Variants in STX8 observed in about 807,000 individuals in gnomAD.
STX8 encodes syntaxin-8.
STX8 carries 23 observed loss-of-function variants against 37.5 expected under a neutral mutation model. The ratio of observed to expected loss-of-function variants is 0.61; its 90% CI spans 0.44 to 0.87. The LOEUF (loss-of-function observed/expected upper bound fraction) is 0.87, where lower values mean the gene tolerates loss of function less well. Among genes scored for constraint, STX8 ranks in the 40% least tolerant of loss-of-function variants. STX8 has a pLI of 0.00. For synonymous variants in STX8, 115 were observed against 99.1 expected, an observed-to-expected ratio of 1.16 and a Z score of -0.95; for missense variants, 313 against 284.7, an observed-to-expected ratio of 1.10 and a Z score of -0.71.
At chr17:9,368,426 C>A (rs1426929316) in intron 7 of STX8, among the ~76,000 whole-genome samples, 2 of 152,092 alleles carry the variant, frequency 1.3e-5, no homozygotes, top group Non-Finnish European at 2.9e-5. Context: ...ATGGCATGAA[C>A]CCAGGAAGCA....
intron 7 of STX8, among the ~76,000 whole-genome samples, chr17:9,324,080 G>A (rs970256160): frequency 2.0e-5 from 3 of 149,184 alleles, no homozygotes; most frequent in Admixed American, 1.3e-4. Context: ...AAGGTCTCAG[G>A]GCATCCCTCT....
intron 6 of STX8, among the ~76,000 whole-genome samples, chr17:9,451,780 T>C (rs1349266393): frequency 6.9e-6 from 1 of 143,922 alleles, no homozygotes; most frequent in African/African-American, 2.5e-5. Flanking sequence ...CACAAAAATA[T>C]ACATATATAC....
rs150771748 is a variant in STX8 at position 9,348,744 on chromosome 17, A to T, written c.643+29808T>A. 2.7e-3 allele frequency among the ~76,000 whole-genome samples: 406 copies of T among 152,310 alleles called. 5 individuals carry two copies. The highest frequency in any genetic ancestry group is 9.4e-3 in the African/African-American group (392 of 41,566). The stretch of plus-strand genomic sequence containing the variant: ...GTGATAACTTTCAGGATGTAAATCT[A>T]AACTGTAAGGACTCAAGTTCACGAA... On this transcript the variant is annotated intron_variant, in intron 7 of 7. Coordinates refer to ENST00000306357, the MANE Select transcript of STX8 (RefSeq NM_004853.3).
chr17:9,282,800 T>C (rs1294828156), intron 7 of STX8, among the ~76,000 whole-genome samples: 1 of 152,184 alleles, frequency 6.6e-6, no homozygotes, highest in African/African-American at 2.4e-5. Flanking sequence ...GGTGGCCGCA[T>C]GCATAACCAG....
chr17:9,303,930 G>A (rs12944053), intron 7 of STX8, among the ~76,000 whole-genome samples: 35,127 of 151,638 alleles, frequency 0.23, 5,374 homozygotes, highest in African/African-American at 0.44. Flanking sequence ...AAAAGAACAG[G>A]TTGATAATTA....
intron 6 of STX8, among the ~76,000 whole-genome samples, chr17:9,488,255 G>A (rs1200643097): frequency 2.0e-5 from 3 of 151,904 alleles, no homozygotes; most frequent in Non-Finnish European, 4.4e-5. Context: ...GAACCCGGGA[G>A]ATGGAGGTTG....
chr17:9,448,802 G>A (rs545599513), intron 6 of STX8, among the ~76,000 whole-genome samples: 59 of 152,144 alleles, frequency 3.9e-4, no homozygotes, highest in Middle Eastern at 3.4e-3. Context: ...GAACATGAGC[G>A]CCACAAATGA....
At chr17:9,373,624 T>C (rs767383772) in intron 7 of STX8, among the ~76,000 whole-genome samples, 15 of 152,118 alleles carry the variant, frequency 9.9e-5, no homozygotes, top group Non-Finnish European at 1.3e-4. Flanking sequence ...ATTATTGTCT[T>C]GGATAAATTT....
At chr17:9,397,539 A>G (rs1912446536) in intron 6 of STX8, among the ~76,000 whole-genome samples, 1 of 152,230 alleles carries the variant, frequency 6.6e-6, no homozygotes, top group Non-Finnish European at 1.5e-5. Context: ...TTTGAGAACA[A>G]ACCCACATTG....
At chr17:9,436,996 C>T (rs1904455949) in intron 6 of STX8, among the ~76,000 whole-genome samples, 1 of 152,170 alleles carries the variant, frequency 6.6e-6, no homozygotes, top group Admixed American at 6.5e-5. Context: ...AAATACTTAA[C>T]CTCCTTAGGG....
chr17:9,575,754 G>T, intron 1 of STX8, 38 bp downstream of exon 1: 2 of 1,546,018 alleles, frequency 1.3e-6, no homozygotes, highest in Non-Finnish European at 1.7e-6. Flanking sequence ...CCTCCCCGAA[G>T]GTCCCTCCAC....
chr17:9,544,849 G>A (rs1055556931), intron 4 of STX8, among the ~76,000 whole-genome samples: 19 of 151,934 alleles, frequency 1.3e-4, no homozygotes, highest in African/African-American at 2.4e-4. Flanking sequence ...AAAATTAGTC[G>A]GGCACGGTGG....
At chr17:9,308,830 A>G (rs1017097328) in intron 7 of STX8, among the ~76,000 whole-genome samples, 2 of 152,046 alleles carry the variant, frequency 1.3e-5, no homozygotes, top group African/African-American at 2.4e-5. Context: ...AGCCCTTCCA[A>G]TGTCCTTCAG....
intron 7 of STX8, among the ~76,000 whole-genome samples, chr17:9,311,165 A>G (rs1909175367): frequency 6.6e-6 from 1 of 150,638 alleles, no homozygotes; most frequent in South Asian, 2.1e-4. Context: ...TGAACCCAGG[A>G]GGCGAAGGTT....
chr17:9,370,193 C>T (rs377170778), intron 7 of STX8, among the ~76,000 whole-genome samples: 2 of 152,158 alleles, frequency 1.3e-5, no homozygotes, highest in African/African-American at 2.4e-5. Flanking sequence ...CCAGCCTGGG[C>T]GAAAGAGCAA....
intron 2 of STX8, 106 bp from the exon 3 acceptor site, chr17:9,557,634 G>A: frequency 1.1e-6 from 1 of 942,334 alleles, no homozygotes; most frequent in African/African-American, 1.6e-5. Flanking sequence ...ACCAAGCAAG[G>A]GCTGGAAGAG....
intron 4 of STX8, among the ~76,000 whole-genome samples, chr17:9,513,949 T>C (rs931394094): frequency 9.2e-5 from 14 of 152,156 alleles, no homozygotes; most frequent in Non-Finnish European, 1.8e-4. Flanking sequence ...ATGTTCTTAC[T>C]CATACGCAGA....
At chr17:9,358,297 A>G (rs936306297) in intron 7 of STX8, among the ~76,000 whole-genome samples, 1 of 152,194 alleles carries the variant, frequency 6.6e-6, no homozygotes, top group African/African-American at 2.4e-5. Flanking sequence ...AGCTTAGCAC[A>G]GAGGTATGAC....
At chr17:9,329,488 A>T (rs1203399980) in intron 7 of STX8, among the ~76,000 whole-genome samples, 1 of 152,174 alleles carries the variant, frequency 6.6e-6, no homozygotes, top group African/African-American at 2.4e-5. Context: ...GGTGAGGGAC[A>T]CTGGATCCAG....
Sources: allele counts gnomAD v4.1 joint callset (sites outside exome capture counted in the v4.1 genomes callset), GRCh38; gene constraint gnomAD v4.1.1; transcripts MANE v1.5; gene names NCBI Gene and HGNC (gene_info 2026-07-23, HGNC 2026-07-21).